MYO7A: variants seen among roughly 807,000 people sequenced by gnomAD.
The protein encoded by MYO7A is unconventional myosin-VIIa.
A neutral mutation model predicts 263.8 loss-of-function variants in MYO7A; 210 were observed. The observed-to-expected ratio is 0.80, with a 90% CI of 0.71 to 0.89. MYO7A has a LOEUF of 0.89. Ranked by LOEUF, MYO7A falls within the 40% of genes least tolerant of loss-of-function variation. MYO7A has a pLI of 0.00. For synonymous variants in MYO7A, 1,239 were observed against 1,197.3 expected (o/e 1.03, Z -0.72); for missense variants, 2,820 against 2,968.3 (o/e 0.95, Z 1.16).
chr11:77,175,326 A>G, intron 17 of MYO7A, 46 bp from the exon 18 acceptor site: 1 of 1,578,980 alleles, frequency 6.3e-7, no homozygotes, highest in Non-Finnish European at 8.7e-7. Context: ...AGGCCTTCCC[A>G]CTGGAGAGGC....
chr11:77,157,420 G>C lies in MYO7A; in HGVS notation c.849+28G>C, dbSNP rs1395486018. On this transcript the variant is annotated intron_variant, in intron 8 of 48. Transcript: ENST00000409709. ...GAGGCCCAGGTGGGCCCCTGGGTAG[G>C]GGGGCACCCACCCTAGGATTGTAGG... is the stretch of plus-strand genomic sequence containing the variant. 6 of 1,509,650 alleles carry C rather than the reference G, an allele frequency of 4.0e-6. No individual in the cohort carries two copies. In the African/African-American group the frequency reaches 8.3e-5, roughly 21 times the overall value. 93.5% of individuals were successfully genotyped at this position (1,509,650 alleles called of 1,614,324 possible). A position where few individuals can be genotyped will look rare whatever the true frequency, so the allele number is the denominator to read the frequency against.
At chr11:77,197,111 C>T (rs1956720914) in intron 32 of MYO7A, among the ~76,000 whole-genome samples, 1 of 152,216 alleles carries the variant, frequency 6.6e-6, no homozygotes, top group Non-Finnish European at 1.5e-5. Context: ...CTGCCCTGCC[C>T]ACGCCTCTGC....
intron 22 of MYO7A, 98 bp from the exon 23 acceptor site, chr11:77,181,282 C>A: frequency 1.8e-6 from 2 of 1,118,390 alleles, no homozygotes; most frequent in Non-Finnish European, 1.2e-6. Context: ...GGGACTGAGG[C>A]CCTGGCTGCT....
chr11:77,148,412 C>G (rs150002749), intron 4 of MYO7A, among the ~76,000 whole-genome samples: 1,651 of 152,342 alleles, frequency 0.011, 101 homozygotes, highest in Admixed American at 0.1. Flanking sequence ...GGAACATGCT[C>G]TGCTCCTCCA....
rs1324244950 is a variant in MYO7A, at chr11:77,155,942, C to CA, written c.321_322insA (p.Tyr108IlefsTer32). 2.5e-6 allele frequency: 4 copies of CA among 1,611,132 alleles called. No homozygotes were observed. Among genetic ancestry groups the CA allele is most frequent in the Non-Finnish European group, 3.4e-6 (4 of 1,178,560 alleles). Reference sequence around the variant, plus strand: ...GCTCCATCCTGGTGGCTGTGAACCCCTACCAGCTGCTCTCCATCTACTCGC... The same window carrying CA: ...GCTCCATCCTGGTGGCTGTGAACCCCATACCAGCTGCTCTCCATCTACTCGC... On this transcript the variant is annotated frameshift_variant, in exon 5 of 49. Transcript: ENST00000409709. LOFTEE classifies it high-confidence loss of function.
chr11:77,178,690 C>T (rs1480727492), intron 19 of MYO7A, among the ~76,000 whole-genome samples: 1 of 152,240 alleles, frequency 6.6e-6, no homozygotes, highest in Non-Finnish European at 1.5e-5. Context: ...TAGTCCCAAC[C>T]TATCAAGTCT....
intron 2 of MYO7A, among the ~76,000 whole-genome samples, chr11:77,141,091 T>C (rs980450798): frequency 3.9e-5 from 6 of 152,200 alleles, no homozygotes; most frequent in African/African-American, 1.4e-4. Context: ...AGGTTTGTAG[T>C]GTAGGAGCAA....
intron 4 of MYO7A, among the ~76,000 whole-genome samples, chr11:77,151,327 C>T (rs1344335778): frequency 6.6e-6 from 1 of 152,230 alleles, no homozygotes; most frequent in Non-Finnish European, 1.5e-5. Flanking sequence ...TGGGGACATC[C>T]CTATCCCTGT....
chr11:77,134,844 G>A (rs1343622795), intron 2 of MYO7A, among the ~76,000 whole-genome samples: 1 of 145,232 alleles, frequency 6.9e-6, no homozygotes, highest in Non-Finnish European at 1.5e-5. Flanking sequence ...GTGCAGTGGT[G>A]TGATTTCAGC....
intron 2 of MYO7A, among the ~76,000 whole-genome samples, chr11:77,131,222 A>G (rs1950757108): frequency 6.6e-6 from 1 of 152,082 alleles, no homozygotes; most frequent in Non-Finnish European, 1.5e-5. Flanking sequence ...CCTGGCCTCC[A>G]GAGCAGGAGC....
In MYO7A at chr11:77,203,210, C is replaced by G; in HGVS notation, c.5319C>G (p.Ala1773=). The G allele has an allele frequency of 6.4e-7, 1 of 1,553,302 alleles. No homozygotes were observed. The highest frequency in any genetic ancestry group is 1.2e-5 in the South Asian group (1 of 84,224). Residue 1773 remains alanine (A), a synonymous_variant, in exon 38 of 49, where the codon GCC becomes GCG. Transcript: ENST00000409709. ...AGCTCTCGCAGGAGGCCTGCCTGGC[C>G]TTCATTGATATCCGTGCCACTGGGC... The part of the protein sequence containing the change: ...SEELSQEACL[A]FIAVLKYMGD...
At position 77,181,480 on chromosome 11, in the gene MYO7A, C is replaced by T; in HGVS notation, c.2795C>T (p.Ala932Val). 1 of 1,612,790 alleles carries T rather than the reference C, an allele frequency of 6.2e-7. No individual in the cohort carries two copies. Among genetic ancestry groups the T allele is most frequent in the Admixed American group, 1.7e-5 (1 of 59,944 alleles). ...GAGCTCCTGGAGCAGATGGAAAGGG[C>T]CCGCCATGAGCCTGTCAATCACTCA... ...KKELLEQMER[A>V]RHEPVNHSDM... The change falls in exon 23 of 49, where the codon GCC (alanine) becomes GTC (valine). Residue 932 changes from alanine (A) to valine (V), a missense_variant. Physicochemically the swap from Ala to Val is moderately conservative, Grantham distance 64 (BLOSUM62 0). Coordinates refer to ENST00000409709, the MANE Select transcript of MYO7A (RefSeq NM_000260.4).
intron 4 of MYO7A, among the ~76,000 whole-genome samples, chr11:77,152,681 T>G (rs1952076969): frequency 6.6e-6 from 1 of 151,934 alleles, no homozygotes; most frequent in Non-Finnish European, 1.5e-5. Context: ...TTGCTGAGCA[T>G]CTCTTATGTG....
At position 77,204,173 on chromosome 11, in the gene MYO7A, C is replaced by T. The variant is rs758921346; in HGVS notation, c.5424C>T (p.Pro1808=). The T allele has an allele frequency of 1.3e-6, 2 of 1,589,210 alleles. No individual in the cohort carries two copies. The highest frequency in any genetic ancestry group is 2.3e-5 in the East Asian group (1 of 43,382). The change falls in exon 39 of 49, where the codon CCC becomes CCT. Residue 1808 remains proline, a synonymous_variant. Coordinates refer to ENST00000409709, the MANE Select transcript of MYO7A (RefSeq NM_000260.4). Reference sequence around the variant, plus strand: ...TTGAGGGTCCCCTGAAAGCCGAGCCCCTGAAGGACGAGGCATATGTGCAGA... The same window carrying T: ...TTGAGGGTCCCCTGAAAGCCGAGCCTCTGAAGGACGAGGCATATGTGCAGA... ...QIFEGPLKAE[P]LKDEAYVQIL... is the part of the protein sequence containing the mutation.
In MYO7A at chr11:77,211,180, A is replaced by T; in HGVS notation, c.6080A>T (p.His2027Leu). ...QELPKYLRGYHKCTREEVLQL... is the reference protein window; with the variant it reads ...QELPKYLRGYLKCTREEVLQL... ...TTGCCCAAGTATCTCCGAGGCTACC[A>T]CAAGTGCACGCGGGAGGAGGTGCTG... The change falls in exon 45 of 49, where the codon CAC becomes CTC. Residue 2027 changes from histidine to leucine, a missense_variant. Transcript: ENST00000409709. 6.3e-7 allele frequency: 1 copy of T among 1,591,260 alleles called. No individual in the cohort carries two copies. Among genetic ancestry groups the T allele is most frequent in the Non-Finnish European group, 8.6e-7 (1 of 1,169,048 alleles).
Position 77,179,948 on chromosome 11 carries a change from GC to G in MYO7A, c.2582del (p.Ala861ValfsTer24). 6.6e-7 allele frequency: 1 copy of G among 1,522,220 alleles called. No individual in the cohort carries two copies. Among genetic ancestry groups the G allele is most frequent in the Non-Finnish European group, 8.8e-7 (1 of 1,134,818 alleles). 94.3% of individuals were successfully genotyped at this position (1,522,220 alleles called of 1,614,324 possible). On this transcript the variant is annotated frameshift_variant, in exon 21 of 49. Coordinates refer to ENST00000409709, the MANE Select transcript of MYO7A (RefSeq NM_000260.4). LOFTEE classifies it high-confidence loss of function. ...IARRLHQRLR[A>X]EYLWRLEAEK... Reference sequence around the variant, plus strand: ...CCGCAGGCTGCACCAACGCCTCAGGGCTGAGGTGAGGGAGCAAGTCCATAGC... The same window carrying G: ...CCGCAGGCTGCACCAACGCCTCAGGGTGAGGTGAGGGAGCAAGTCCATAGC...
chr11:77,147,725 C>CGTCCCG, intron 3 of MYO7A, 73 bp from the exon 4 acceptor site: 1 of 1,570,068 alleles, frequency 6.4e-7, no homozygotes. Flanking sequence ...CGCTCCCGCC[C>CGTCCCG]GTCCCGGCCC....
chr11:77,157,471 T>C (rs1555064516), intron 8 of MYO7A, 79 bp downstream of exon 8: 1 of 976,990 alleles, frequency 1.0e-6, no homozygotes, highest in Non-Finnish European at 1.5e-6. Flanking sequence ...GACTCAGCCT[T>C]GAGGTCTCAC....
intron 27 of MYO7A, among the ~76,000 whole-genome samples, chr11:77,186,352 T>C (rs745619324): frequency 6.6e-6 from 1 of 152,232 alleles, no homozygotes; most frequent in African/African-American, 2.4e-5. Context: ...AAGCCAGCCA[T>C]TGACTTCTCT....
Sources: allele counts gnomAD v4.1 joint callset (sites outside exome capture counted in the v4.1 genomes callset), GRCh38; gene constraint gnomAD v4.1.1; transcripts MANE v1.5; gene names NCBI Gene and HGNC (gene_info 2026-07-23, HGNC 2026-07-21).